Variants in ROBO2 observed in about 807,000 individuals in gnomAD.
ROBO2 encodes the protein roundabout homolog 2.
In ROBO2, 53 loss-of-function variants were observed where a neutral mutation model predicts 160.8. The observed-to-expected ratio is 0.33, with a 90% CI of 0.26 to 0.41. ROBO2 has a LOEUF of 0.41. Among genes scored for constraint, ROBO2 ranks in the 10% least tolerant of loss-of-function variants. The pLI is 1.00. For synonymous variants in ROBO2, 664 were observed against 611.7 expected, an observed-to-expected ratio of 1.09 and a Z score of -1.26; for missense variants, 1,577 against 1,722.4, an observed-to-expected ratio of 0.92 and a Z score of 1.49.
chr3:77,347,039 C>A (rs1455013005), intron 2 of ROBO2, among the ~76,000 whole-genome samples: 1 of 152,102 alleles, frequency 6.6e-6, no homozygotes, highest in Non-Finnish European at 1.5e-5. Context: ...GGAAAGAAAT[C>A]TCCCAGCGAT....
At chr3:76,647,864 G>A (rs2091057110) in intron 2 of ROBO2, among the ~76,000 whole-genome samples, 1 of 151,888 alleles carries the variant, frequency 6.6e-6, no homozygotes, top group South Asian at 2.1e-4. Context: ...AAATGTGGGG[G>A]AAAAACAAAA....
intron 2 of ROBO2, among the ~76,000 whole-genome samples, chr3:76,622,187 AAAGAAAGGAAGG>A (rs1440831060): frequency 3.5e-5 from 2 of 57,188 alleles, no homozygotes; most frequent in African/African-American, 1.3e-4. Context: ...CTACTAAAAA[AAAGAAAGGAAGG>A]AAGGAAGGAA....
At chr3:77,631,711 A>G (rs566212097) in intron 23 of ROBO2, 33 of 152,154 alleles carry the variant, frequency 2.2e-4, no homozygotes, top group Admixed American at 7.2e-4. Context: ...AATTAAAATT[A>G]TTTTCCTCTA....
intron 2 of ROBO2, among the ~76,000 whole-genome samples, chr3:76,421,499 G>T (rs2075993940): frequency 6.6e-5 from 10 of 150,966 alleles, no homozygotes; most frequent in Admixed American, 6.6e-4. Flanking sequence ...GGCTGAGGTG[G>T]GAGGATTGCC....
At chr3:76,102,091 G>A (rs901222311) in intron 2 of ROBO2, among the ~76,000 whole-genome samples, 10 of 151,598 alleles carry the variant, frequency 6.6e-5, no homozygotes, top group African/African-American at 2.4e-4. Context: ...CCCTTCCTGT[G>A]TCCATGTGTT....
chr3:76,572,446 G>T (rs1453902849), intron 2 of ROBO2, among the ~76,000 whole-genome samples: 1 of 152,092 alleles, frequency 6.6e-6, no homozygotes, highest in African/African-American at 2.4e-5. Context: ...GAACTAGGAA[G>T]TGAGTCCTGG....
intron 2 of ROBO2, among the ~76,000 whole-genome samples, chr3:76,490,435 G>T (rs1321816120): frequency 6.6e-6 from 1 of 152,112 alleles, no homozygotes; most frequent in African/African-American, 2.4e-5. Context: ...AGTGTTAGTA[G>T]TGTCTATCGT....
Position 77,569,882 on chromosome 3 carries a change from ATTAT to A in ROBO2, c.1971+1452_1971+1455del, listed in dbSNP as rs1263805369. Among the ~76,000 whole-genome samples, 3 of 151,958 alleles carry A rather than the reference ATTAT, an allele frequency of 2.0e-5. No homozygotes were observed. In the East Asian group the frequency reaches 5.8e-4, roughly 29 times the overall value. ...TTATAATATTTTAAGAGTAATTATG[ATTAT>A]TTAGGATTACACTTTCTTATTCCAG... is the stretch of plus-strand genomic sequence containing the variant. On this transcript the variant is annotated intron_variant, in intron 13 of 25. Coordinates refer to ENST00000461745, the Ensembl canonical transcript of ROBO2.
At chr3:76,087,033 G>C (rs555911967) in intron 2 of ROBO2, among the ~76,000 whole-genome samples, 2 of 151,884 alleles carry the variant, frequency 1.3e-5, no homozygotes, top group Admixed American at 1.3e-4. Context: ...TAATATCCAA[G>C]AAATGTGAAA....
In ROBO2 at chr3:77,518,898, G is replaced by A. The variant is rs554487573; in HGVS notation, c.807-3877G>A. ...AAAGCATACCTATCTCATTGGGAATGGATTTAGTTACTTTCCGTACTTACA... is the reference window on the plus strand; with the variant it reads ...AAAGCATACCTATCTCATTGGGAATAGATTTAGTTACTTTCCGTACTTACA... On this transcript the variant is annotated intron_variant, in intron 5 of 25. Transcript: ENST00000461745. 3.3e-5 allele frequency among the ~76,000 whole-genome samples: 5 copies of A among 151,480 alleles called. No individual in the cohort carries two copies. The South Asian group carries it at 1.0e-3, about 31-fold the overall frequency.
chr3:76,486,842 G>A (rs1366102096), intron 2 of ROBO2, among the ~76,000 whole-genome samples: 2 of 152,036 alleles, frequency 1.3e-5, no homozygotes, highest in Non-Finnish European at 2.9e-5. Context: ...AGGCCTATGA[G>A]GTTTCCTTTT....
At chr3:76,686,232 C>T (rs1209180080) in intron 2 of ROBO2, among the ~76,000 whole-genome samples, 4 of 152,026 alleles carry the variant, frequency 2.6e-5, no homozygotes, top group Admixed American at 6.6e-5. Context: ...CTTACAATGA[C>T]TTTAAAACCC....
In ROBO2 at chr3:76,536,463, T is replaced by C. The variant is rs567306635; in HGVS notation, c.110-561551T>C. 1.7e-3 allele frequency among the ~76,000 whole-genome samples: 266 copies of C among 152,286 alleles called. 1 individual carries two copies. Among genetic ancestry groups the C allele is most frequent in the African/African-American group, 6.2e-3 (257 of 41,554 alleles). ...CTAAGGGTAGCCACCAAGTGGGCCATGAACTGGGCTGGGTTTTCGTCTTTA... is the reference window on the plus strand; with the variant it reads ...CTAAGGGTAGCCACCAAGTGGGCCACGAACTGGGCTGGGTTTTCGTCTTTA... On this transcript the variant is annotated intron_variant, in intron 2 of 26. Coordinates refer to the ROBO2 transcript ENST00000487694.
intron 2 of ROBO2, among the ~76,000 whole-genome samples, chr3:77,199,265 G>A (rs2082593792): frequency 6.6e-6 from 1 of 152,066 alleles, no homozygotes; most frequent in African/African-American, 2.4e-5. Flanking sequence ...GCCATACCTT[G>A]GAGTTTTTAT....
chr3:76,599,146 T>C (rs2086932776), intron 2 of ROBO2, among the ~76,000 whole-genome samples: 1 of 152,168 alleles, frequency 6.6e-6, no homozygotes, highest in Non-Finnish European at 1.5e-5. Flanking sequence ...CACAGGGCAT[T>C]GATGTACAGA....
intron 2 of ROBO2, among the ~76,000 whole-genome samples, chr3:77,282,900 A>G (rs1414729646): frequency 6.6e-6 from 1 of 152,008 alleles, no homozygotes; most frequent in African/African-American, 2.4e-5. Flanking sequence ...AATAGAATAA[A>G]TATCTAATTA....
intron 2 of ROBO2, among the ~76,000 whole-genome samples, chr3:76,881,810 G>A (rs2073361964): frequency 6.6e-6 from 1 of 152,222 alleles, no homozygotes. Flanking sequence ...ATGGCAGAAT[G>A]TGTGGAGGCC....
chr3:77,300,659 AC>A (rs1367022043), intron 2 of ROBO2, among the ~76,000 whole-genome samples: 1 of 151,898 alleles, frequency 6.6e-6, no homozygotes, highest in African/African-American at 2.4e-5. Flanking sequence ...GTATTTCCTT[AC>A]TTTTTAAATA....
intron 2 of ROBO2, among the ~76,000 whole-genome samples, chr3:77,258,515 C>G (rs1378348961): frequency 6.6e-6 from 1 of 151,556 alleles, no homozygotes; most frequent in African/African-American, 2.4e-5. Context: ...CCCAGCTGCT[C>G]AGGAGGCTGA....
Sources: allele counts gnomAD v4.1 joint callset (sites outside exome capture counted in the v4.1 genomes callset), GRCh38; gene constraint gnomAD v4.1.1; transcripts MANE v1.5; gene names NCBI Gene and HGNC (gene_info 2026-07-23, HGNC 2026-07-21).